Variants in SYT17 observed in about 807,000 individuals in gnomAD.
SYT17 encodes the protein synaptotagmin-17.
SYT17 carries 22 observed loss-of-function variants against 46.7 expected under a neutral mutation model. The observed-to-expected ratio is 0.47, with a 90% CI of 0.34 to 0.67. The LOEUF (loss-of-function observed/expected upper bound fraction) is 0.67. Ranked by LOEUF, SYT17 falls within the 30% of genes least tolerant of loss-of-function variation. The pLI is 0.01. For synonymous variants in SYT17, 251 were observed against 248.4 expected, an observed-to-expected ratio of 1.01 and a Z score of -0.10; for missense variants, 519 against 612.8, an observed-to-expected ratio of 0.85 and a Z score of 1.62.
At chr16:19,236,298 C>T (rs146514359) in intron 7 of SYT17, among the ~76,000 whole-genome samples, 93 of 152,296 alleles carry the variant, frequency 6.1e-4, no homozygotes, top group Non-Finnish European at 9.6e-4. Flanking sequence ...TCATGAACCA[C>T]CTGTATGTTG....
rs1244017926 is a variant in SYT17, at chr16:19,205,839, G to C, written c.952-17206G>C. On this transcript the variant is annotated intron_variant, in intron 5 of 7. Transcript: ENST00000355377. ...ACTTTCTATCCCCGATGCCAGCTTT[G>C]TTTTTCTTCCTAGCACTTAACTGCT... Among the ~76,000 whole-genome samples, 5 of 152,208 alleles carry C rather than the reference G, an allele frequency of 3.3e-5. No individual in the cohort carries two copies. In the East Asian group the frequency reaches 9.7e-4, roughly 29 times the overall value.
At chr16:19,236,166 G>A (rs1966845289) in intron 7 of SYT17, among the ~76,000 whole-genome samples, 1 of 152,132 alleles carries the variant, frequency 6.6e-6, no homozygotes. Context: ...AGGAAGCTGT[G>A]TGGCACCATG....
chr16:19,248,988 A>G (rs1392217206), intron 7 of SYT17, among the ~76,000 whole-genome samples: 5 of 152,056 alleles, frequency 3.3e-5, no homozygotes, highest in African/African-American at 4.8e-5. Flanking sequence ...AAACTATGGT[A>G]AAAGAGGCCA....
At chr16:19,263,640 C>CAAAAAAAAAAAAAAAAA (rs1157288423) in intron 7 of SYT17, among the ~76,000 whole-genome samples, 1 of 39,266 alleles carries the variant, frequency 2.5e-5, no homozygotes, top group Admixed American at 2.8e-4. Context: ...AATTACAACT[C>CAAAAAAAAAAAAAAAAA]AAAAAAAAAA....
chr16:19,258,579 T>G (rs1597047958), intron 7 of SYT17, among the ~76,000 whole-genome samples: 1 of 151,920 alleles, frequency 6.6e-6, no homozygotes, highest in Non-Finnish European at 1.5e-5. Context: ...GAGGCGGAGG[T>G]TGCAGTGAGC....
chr16:19,253,052 G>A lies in SYT17; in HGVS notation c.1229-13828G>A, dbSNP rs574663489. On this transcript the variant is annotated intron_variant, in intron 7 of 7. Transcript: ENST00000355377. The stretch of plus-strand genomic sequence containing the variant: ...ACTGCTGGTGTGGAGACCACACTTC[G>A]GGAACCACTGCTTTAGACAGACCAG... Among the ~76,000 whole-genome samples, 8 of 152,254 alleles carry A rather than the reference G, an allele frequency of 5.3e-5. No homozygotes were observed. In the East Asian group the frequency reaches 7.7e-4, roughly 15 times the overall value.
rs992418223 is a variant in SYT17, at chr16:19,172,306, C to T, written c.16-454C>T. 86 of 1,305,878 alleles carry T rather than the reference C, an allele frequency of 6.6e-5. 1 individual carries two copies. Among genetic ancestry groups the T allele is most frequent in the Admixed American group, 2.6e-4 (7 of 26,576 alleles). The allele number at this position is 1,305,878 out of a possible 1,614,324, so 80.9% of individuals were successfully genotyped here. On this transcript the variant is annotated intron_variant, in intron 1 of 7. Transcript: ENST00000355377. The stretch of plus-strand genomic sequence containing the variant: ...GAGCAGAATTGGAAGGTAGGGCCTC[C>T]GGGAGGGCGGGGGAGCCAAGTAACA...
intron 1 of SYT17, chr16:19,171,902 G>A (rs1964109831): frequency 1.3e-5 from 2 of 152,090 alleles, no homozygotes; most frequent in African/African-American, 4.8e-5. Context: ...ATTGGTAAGT[G>A]GTAAAAGATG....
At chr16:19,206,596 C>T (rs532722968) in intron 5 of SYT17, among the ~76,000 whole-genome samples, 9 of 152,202 alleles carry the variant, frequency 5.9e-5, no homozygotes, top group Admixed American at 3.9e-4. Context: ...GGGTGTTAGC[C>T]GAGTTGATTC....
At chr16:19,181,613 G>A (rs1964559547) in intron 4 of SYT17, among the ~76,000 whole-genome samples, 3 of 152,004 alleles carry the variant, frequency 2.0e-5, no homozygotes, top group Non-Finnish European at 4.4e-5. Flanking sequence ...CTAGACACAC[G>A]TAGCTGTTGA....
At chr16:19,251,788 T>C (rs1206563745) in intron 7 of SYT17, among the ~76,000 whole-genome samples, 1 of 152,160 alleles carries the variant, frequency 6.6e-6, no homozygotes, top group Non-Finnish European at 1.5e-5. Flanking sequence ...TCTATTTCTC[T>C]GGAAAGTGGG....
chr16:19,177,667 G>A (rs184626742), intron 3 of SYT17, among the ~76,000 whole-genome samples: 51 of 152,282 alleles, frequency 3.3e-4, no homozygotes, highest in African/African-American at 1.0e-3. Context: ...TGTGCTCTGC[G>A]TGTGATCTTG....
At chr16:19,234,775 A>C (rs1966824029) in intron 7 of SYT17, among the ~76,000 whole-genome samples, 1 of 152,186 alleles carries the variant, frequency 6.6e-6, no homozygotes, top group African/African-American at 2.4e-5. Flanking sequence ...GCCCATCCAG[A>C]AGTGGCCACT....
At chr16:19,232,272 A>G (rs1282050789) in intron 7 of SYT17, among the ~76,000 whole-genome samples, 1 of 152,120 alleles carries the variant, frequency 6.6e-6, no homozygotes, top group Non-Finnish European at 1.5e-5. Flanking sequence ...ACACGCCTCA[A>G]TTTTTGCCAA....
chr16:19,203,894 C>T (rs569049462), intron 5 of SYT17, among the ~76,000 whole-genome samples: 1 of 152,330 alleles, frequency 6.6e-6, no homozygotes, highest in East Asian at 1.9e-4. Context: ...TTACCTGGCA[C>T]ATAGTTTTAC....
intron 5 of SYT17, among the ~76,000 whole-genome samples, chr16:19,189,087 C>T (rs1471062530): frequency 3.3e-5 from 5 of 152,054 alleles, no homozygotes; most frequent in East Asian, 3.9e-4. Context: ...GGGGTTTCAC[C>T]GTGTTAGCCA....
chr16:19,224,871 G>A, intron 7 of SYT17, 33 bp downstream of exon 7: 1 of 1,611,474 alleles, frequency 6.2e-7, no homozygotes, highest in South Asian at 1.1e-5. Flanking sequence ...ATGAACTCCA[G>A]GTGAGGCACG....
intron 7 of SYT17, among the ~76,000 whole-genome samples, chr16:19,238,326 G>C (rs1290394236): frequency 6.6e-6 from 1 of 152,244 alleles, no homozygotes; most frequent in Non-Finnish European, 1.5e-5. Context: ...GCAGTGCTTG[G>C]CATAAAGCAA....
Position 19,172,536 on chromosome 16 carries a change from T to A in SYT17, c.16-224T>A, listed in dbSNP as rs906757908. Reference sequence around the variant, plus strand: ...AGTTTCCCATTTATTTGGTGTTGGTTAACCAGGAGGCTACCAGCAGCCCTG... The same window carrying A: ...AGTTTCCCATTTATTTGGTGTTGGTAAACCAGGAGGCTACCAGCAGCCCTG... On this transcript the variant is annotated intron_variant, in intron 1 of 7. Transcript: ENST00000355377. 3 of 1,499,234 alleles carry A rather than the reference T, an allele frequency of 2.0e-6. No homozygotes were observed. The African/African-American group carries it at 4.3e-5, about 21-fold the overall frequency. 92.9% of individuals were successfully genotyped at this position (1,499,234 alleles called of 1,614,324 possible).
Sources: gnomAD v4.1 joint callset for allele counts (sites outside exome capture counted in the v4.1 genomes callset) on GRCh38, gnomAD v4.1.1 for gene constraint, MANE v1.5 for transcripts, NCBI Gene and HGNC (gene_info 2026-07-23, HGNC 2026-07-21) for gene names.